The following GBP1 variants were observed in gnomAD, a reference collection of about 807,000 sequenced individuals.
The protein encoded by GBP1 is guanylate binding protein 1.
A neutral mutation model predicts 69.5 loss-of-function variants in GBP1; 64 were observed. That is an observed-to-expected ratio of 0.92 (90% CI 0.75 to 1.13). The LOEUF is 1.13. Ranked by LOEUF, GBP1 falls within the 50% of genes most tolerant of loss-of-function variation. The pLI is 0.00. For missense variants in GBP1, 630 were observed against 704.1 expected (o/e 0.89, Z 1.19); for synonymous variants, 250 against 261.2 (o/e 0.96, Z 0.41).
At chr1:89,054,278 T>G (rs942166321) in intron 10 of GBP1, among the ~76,000 whole-genome samples, 14 of 152,254 alleles carry the variant, frequency 9.2e-5, no homozygotes, top group African/African-American at 2.9e-4. Context: ...TTTTTTGTAT[T>G]TTTAGTAGTG....
At chr1:89,064,594 C>T (rs1374683931) in intron 1 of GBP1, among the ~76,000 whole-genome samples, 1 of 152,132 alleles carries the variant, frequency 6.6e-6, no homozygotes, top group Admixed American at 6.5e-5. Flanking sequence ...CATTCTGAAA[C>T]AAAGTTCACA....
intron 2 of GBP1, among the ~76,000 whole-genome samples, 162 bp from the exon 3 acceptor site, chr1:89,060,486 A>G (rs1680152837): frequency 6.6e-6 from 1 of 152,250 alleles, no homozygotes; most frequent in Non-Finnish European, 1.5e-5. Flanking sequence ...TTGAATATCC[A>G]ATGCATGGAA....
At chr1:89,054,189 T>A (rs1309511803) in intron 10 of GBP1, among the ~76,000 whole-genome samples, 1 of 152,100 alleles carries the variant, frequency 6.6e-6, no homozygotes, top group Non-Finnish European at 1.5e-5. Context: ...AAGCTCTGCC[T>A]CCTGGGTTCA....
chr1:89,053,478 G>A lies in GBP1; in HGVS notation c.1666-10C>T, dbSNP rs1156753337. Reference sequence around the variant, plus strand: ...GTAGTTGCTCCTGTTCCTAAAAAGGGACAAACGAAGGCTGAGTAAAGTGTA... The same window carrying A: ...GTAGTTGCTCCTGTTCCTAAAAAGGAACAAACGAAGGCTGAGTAAAGTGTA... On this transcript the variant is annotated splice_polypyrimidine_tract_variant and intron_variant, in intron 10 of 10. Coordinates refer to ENST00000370473, the MANE Select transcript of GBP1 (RefSeq NM_002053.3). 6.2e-7 allele frequency: 1 copy of A among 1,611,988 alleles called. No individual in the cohort carries two copies. Among genetic ancestry groups the A allele is most frequent in the Admixed American group, 1.7e-5 (1 of 59,700 alleles).
chr1:89,053,664 A>G (rs1285140884), intron 10 of GBP1, among the ~76,000 whole-genome samples, 196 bp from the exon 11 acceptor site: 1 of 152,206 alleles, frequency 6.6e-6, no homozygotes, highest in Non-Finnish European at 1.5e-5. Flanking sequence ...ATAACACCGA[A>G]ATAAGCAAAG....
chr1:89,060,587 C>G (rs1336556799), intron 2 of GBP1, among the ~76,000 whole-genome samples: 1 of 152,060 alleles, frequency 6.6e-6, no homozygotes, highest in Non-Finnish European at 1.5e-5. Flanking sequence ...TATTAAAAAC[C>G]CACAGCTAAC....
intron 3 of GBP1, 110 bp from the exon 4 acceptor site, chr1:89,059,536 CTTT>C (rs34279176): frequency 0.013 from 7,729 of 589,102 alleles, no homozygotes; most frequent in East Asian, 0.016. Flanking sequence ...TTTTTCTTTT[CTTT>C]TTTTTTTTTT....
At chr1:89,059,486 G>A (rs1327406541) in intron 3 of GBP1, 60 bp from the exon 4 acceptor site, 4 of 1,480,194 alleles carry the variant, frequency 2.7e-6, no homozygotes, top group African/African-American at 1.4e-5. Flanking sequence ...ACTTTTCAGA[G>A]TAACAGTAGT....
intron 6 of GBP1, 23 bp from the exon 7 acceptor site, chr1:89,057,157 A>C (rs776875864): frequency 3.6e-5 from 58 of 1,612,204 alleles, no homozygotes; most frequent in Non-Finnish European, 4.8e-5. Context: ...AACAAATGAT[A>C]ATGTTTCTGG....
chr1:89,060,712 T>A (rs372963624), intron 2 of GBP1, among the ~76,000 whole-genome samples: 1 of 152,180 alleles, frequency 6.6e-6, no homozygotes, highest in African/African-American at 2.4e-5. Flanking sequence ...TCCAGAGTAA[T>A]TAGACAAGAG....
At chr1:89,055,330 C>T in intron 8 of GBP1, 115 bp from the exon 9 acceptor site, 1 of 1,518,088 alleles carries the variant, frequency 6.6e-7, no homozygotes, top group Non-Finnish European at 8.8e-7. Context: ...GCCCTATTGT[C>T]CTTGGTGGTC....
At chr1:89,061,438 T>C (rs1031095103) in intron 2 of GBP1, among the ~76,000 whole-genome samples, 5 of 152,090 alleles carry the variant, frequency 3.3e-5, no homozygotes, top group East Asian at 1.9e-4. Flanking sequence ...CTTTAACAAA[T>C]GATGTTGAGG....
At chr1:89,063,776 A>G (rs1253189963) in intron 1 of GBP1, among the ~76,000 whole-genome samples, 4 of 152,208 alleles carry the variant, frequency 2.6e-5, no homozygotes, top group Non-Finnish European at 4.4e-5. Context: ...GAGGATTGAC[A>G]AAGCTTCTCA....
intron 2 of GBP1, among the ~76,000 whole-genome samples, chr1:89,061,143 C>A (rs1454036868): frequency 6.6e-6 from 1 of 152,182 alleles, no homozygotes; most frequent in Non-Finnish European, 1.5e-5. Context: ...GATATAATCC[C>A]TACCAACATT....
intron 3 of GBP1, among the ~76,000 whole-genome samples, 183 bp from the exon 4 acceptor site, chr1:89,059,609 G>A (rs1400234844): frequency 1.4e-5 from 2 of 147,328 alleles, no homozygotes; most frequent in African/African-American, 5.0e-5. Context: ...TCAGTAGGAT[G>A]TGGCTTTTGG....
Position 89,060,228 on chromosome 1 carries a change from A to G in GBP1, c.287T>C (p.Leu96Pro). The G allele has an allele frequency of 6.2e-7, 1 of 1,602,256 alleles. No individual in the cohort carries two copies. Among genetic ancestry groups the G allele is most frequent in the Admixed American group, 1.7e-5 (1 of 57,564 alleles). Residue 96 changes from leucine to proline, a missense_variant, in exon 3 of 11, where the codon CTG (leucine) becomes CCG (proline). Leu to Pro is a moderately conservative substitution (Grantham distance 98, BLOSUM62 -3). Coordinates refer to ENST00000370473, the MANE Select transcript of GBP1 (RefSeq NM_002053.3). ...PKKPGHILVLLDTEGLGDVEK... is the reference protein window; with the variant it reads ...PKKPGHILVLPDTEGLGDVEK... ...TACATCTCCCAGACCCTCGGTGTCC[A>G]GCAGAACTAGGATGTGGCCTGGCTT...
rs1254964985 is a variant in GBP1, at chr1:89,063,156, C to T, written c.79G>A (p.Ala27Thr). ...TNGRLMANPE[A>T]LKILSAITQP... ...GTAATGGCAGAAAGGATCTTCAGAG[C>T]TTCTGGATTCGCCATCAGTCGCCCA... The change falls in exon 2 of 11, where the codon GCT (alanine) becomes ACT (threonine). Residue 27 changes from alanine (A) to threonine (T), a missense_variant. Physicochemically the swap from Ala to Thr is moderately conservative, Grantham distance 58 (BLOSUM62 0). Transcript: ENST00000370473. The T allele has an allele frequency of 6.2e-7, 1 of 1,614,138 alleles. No homozygotes were observed. The highest frequency in any genetic ancestry group is 1.7e-5 in the Admixed American group (1 of 60,004).
intron 6 of GBP1, 149 bp from the exon 7 acceptor site, chr1:89,057,283 A>G (rs1329401652): frequency 8.8e-7 from 1 of 1,132,594 alleles, no homozygotes; most frequent in Non-Finnish European, 1.2e-6. Flanking sequence ...AGACTCTCAG[A>G]CCCTGTCCGA....
Position 89,058,831 on chromosome 1 carries a change from T to G in GBP1, c.631+10A>C. ...CTCATCCTCATTTATCAGTTGAAGC[T>G]CTCTGTTACCTTTCTTCAGCTTCAG... On this transcript the variant is annotated intron_variant, in intron 5 of 10. Coordinates refer to ENST00000370473, the MANE Select transcript of GBP1 (RefSeq NM_002053.3). 6.2e-7 allele frequency: 1 copy of G among 1,613,630 alleles called. No homozygotes were observed. Among genetic ancestry groups the G allele is most frequent in the Non-Finnish European group, 8.5e-7 (1 of 1,179,522 alleles).
Sources: allele counts gnomAD v4.1 joint callset (sites outside exome capture counted in the v4.1 genomes callset), GRCh38; gene constraint gnomAD v4.1.1; transcripts MANE v1.5; gene names NCBI Gene and HGNC (gene_info 2026-07-23, HGNC 2026-07-21).